The following RCOR1 variants were observed in gnomAD, a reference collection of about 807,000 sequenced individuals.
RCOR1 encodes REST corepressor.
A neutral mutation model predicts 64.0 loss-of-function variants in RCOR1; 12 were observed. The ratio of observed to expected loss-of-function variants is 0.19; its 90% CI spans 0.12 to 0.30. The LOEUF (loss-of-function observed/expected upper bound fraction) is 0.30, where lower values mean the gene tolerates loss of function less well. RCOR1 is among the 10% of genes least tolerant of loss of function. The pLI is 1.00. For synonymous variants in RCOR1, 279 were observed against 227.2 expected, an observed-to-expected ratio of 1.23 and a Z score of -2.05; for missense variants, 502 against 621.2, an observed-to-expected ratio of 0.81 and a Z score of 2.04.
intron 2 of RCOR1, among the ~76,000 whole-genome samples, chr14:102,670,752 TA>T (rs1895016839): frequency 6.7e-6 from 1 of 149,348 alleles, no homozygotes; most frequent in African/African-American, 2.4e-5. Flanking sequence ...TATATATATA[TA>T]TATATTTATT....
At chr14:102,641,995 G>C (rs774784048) in intron 2 of RCOR1, among the ~76,000 whole-genome samples, 2 of 152,140 alleles carry the variant, frequency 1.3e-5, no homozygotes, top group African/African-American at 4.8e-5. Context: ...ATCATTTCTG[G>C]ATTTCATGTG....
At chr14:102,639,505 AT>A (rs1894319371) in intron 2 of RCOR1, among the ~76,000 whole-genome samples, 1 of 84,708 alleles carries the variant, frequency 1.2e-5, no homozygotes, top group Non-Finnish European at 2.6e-5. Context: ...ATTTTTATTT[AT>A]TTATTTATTT....
At chr14:102,725,599 A>G (rs1210382586) in intron 11 of RCOR1, among the ~76,000 whole-genome samples, 1 of 152,064 alleles carries the variant, frequency 6.6e-6, no homozygotes, top group African/African-American at 2.4e-5. Flanking sequence ...TTTGAGACGG[A>G]GTCTTGTTCT....
intron 2 of RCOR1, among the ~76,000 whole-genome samples, chr14:102,677,412 C>T (rs867100679): frequency 1.1e-4 from 15 of 136,198 alleles, no homozygotes; most frequent in South Asian, 2.4e-4. Flanking sequence ...GACGGGGTGG[C>T]TGCCGGACGG....
chr14:102,644,786 C>T (rs532729806), intron 2 of RCOR1, among the ~76,000 whole-genome samples: 231 of 152,312 alleles, frequency 1.5e-3, no homozygotes, highest in African/African-American at 5.4e-3. Flanking sequence ...AGTTTCTCAT[C>T]CATTGCCATT....
chr14:102,661,211 G>A (rs559100689), intron 2 of RCOR1, among the ~76,000 whole-genome samples: 1 of 152,212 alleles, frequency 6.6e-6, no homozygotes, highest in East Asian at 1.9e-4. Context: ...AGCTGGGCGT[G>A]ATGGTGGGTA....
chr14:102,658,730 C>G, intron 2 of RCOR1: 1 of 683,882 alleles, frequency 1.5e-6, no homozygotes, highest in Non-Finnish European at 1.8e-6. Flanking sequence ...CAATAGTTTT[C>G]CCATTAATGT....
At chr14:102,595,874 C>T (rs543673591) in intron 2 of RCOR1, among the ~76,000 whole-genome samples, 38 of 151,712 alleles carry the variant, frequency 2.5e-4, no homozygotes, top group African/African-American at 7.5e-4. Flanking sequence ...CCACCGCGCC[C>T]GGCCCCAAAT....
intron 3 of RCOR1, among the ~76,000 whole-genome samples, chr14:102,692,440 A>AAC (rs10622844): frequency 0.23 from 33,854 of 146,134 alleles, 4,265 homozygotes; most frequent in East Asian, 0.48. Context: ...GGAAAAAGTT[A>AAC]ACACACACAC....
chr14:102,705,847 G>T (rs1895841238), intron 4 of RCOR1, among the ~76,000 whole-genome samples: 1 of 151,886 alleles, frequency 6.6e-6, no homozygotes, highest in Admixed American at 6.5e-5. Flanking sequence ...ATAAAAAGGA[G>T]GCTGGATGTG....
At chr14:102,701,163 G>A (rs1895750081) in intron 3 of RCOR1, 115 bp from the exon 4 acceptor site, 1 of 865,382 alleles carries the variant, frequency 1.2e-6, no homozygotes, top group Non-Finnish European at 1.9e-6. Flanking sequence ...TTTGGGTGGG[G>A]ACACAGCCAA....
At position 102,707,374 on chromosome 14, in the gene RCOR1, T is replaced by G; in HGVS notation, c.522T>G (p.His174Gln). The part of the protein sequence containing the change: ...MEQALGMLFW[H>Q]KHNIEKSLAD... ...AGGCTCTTGGGATGCTCTTCTGGCA[T>G]AAACATAATATCGAAAAGTCATTGG... Residue 174 changes from histidine (H) to glutamine (Q), a missense_variant, in exon 5 of 12, where the codon CAT becomes CAG. His to Gln is a conservative substitution (Grantham distance 24). Transcript: ENST00000262241. 1 of 1,610,624 alleles carries G rather than the reference T, an allele frequency of 6.2e-7. No homozygotes were observed. The highest frequency in any genetic ancestry group is 8.5e-7 in the Non-Finnish European group (1 of 1,178,948).
intron 4 of RCOR1, among the ~76,000 whole-genome samples, chr14:102,701,639 T>C (rs747118315): frequency 7.2e-5 from 11 of 152,244 alleles, no homozygotes; most frequent in Admixed American, 1.3e-4. Flanking sequence ...GTGATTTGTT[T>C]GTCATTCTTC....
In RCOR1 at chr14:102,701,263, C is replaced by T. The variant is rs555584513; in HGVS notation, c.446-15C>T. 1 of 1,609,868 alleles carries T rather than the reference C, an allele frequency of 6.2e-7. No individual in the cohort carries two copies. Among genetic ancestry groups the T allele is most frequent in the African/African-American group, 1.3e-5 (1 of 74,944 alleles). ...TCCCTCAGTTTGTTTAATGGCATCT[C>T]TTCTTGTTTTTCAGTGGATGAATAC... On this transcript the variant is annotated splice_polypyrimidine_tract_variant and intron_variant, in intron 3 of 11. Transcript: ENST00000262241.
intron 5 of RCOR1, 85 bp from the exon 6 acceptor site, chr14:102,708,380 G>A (rs916118432): frequency 3.8e-6 from 3 of 792,870 alleles, no homozygotes; most frequent in Non-Finnish European, 6.5e-6. Flanking sequence ...GATTACAGGC[G>A]TGAGCCGCTG....
At chr14:102,594,642 G>C (rs1893206828) in intron 2 of RCOR1, among the ~76,000 whole-genome samples, 1 of 149,812 alleles carries the variant, frequency 6.7e-6, no homozygotes, top group South Asian at 2.1e-4. Context: ...GTTTTTGATA[G>C]TTTCCTCTTC....
At chr14:102,642,029 G>A (rs1894380872) in intron 2 of RCOR1, among the ~76,000 whole-genome samples, 1 of 152,132 alleles carries the variant, frequency 6.6e-6, no homozygotes, top group South Asian at 2.1e-4. Flanking sequence ...AGTACCTCTC[G>A]TGATTTGATA....
intron 2 of RCOR1, among the ~76,000 whole-genome samples, chr14:102,611,905 C>A (rs1212752197): frequency 6.6e-6 from 1 of 152,154 alleles, no homozygotes; most frequent in Admixed American, 6.6e-5. Flanking sequence ...GATCATAGCT[C>A]CTTGCAGCCT....
At chr14:102,623,147 A>G (rs1260842179) in intron 2 of RCOR1, among the ~76,000 whole-genome samples, 1 of 152,046 alleles carries the variant, frequency 6.6e-6, no homozygotes, top group African/African-American at 2.4e-5. Context: ...TTTCATTCAC[A>G]GTTTCATTTA....
Sources: gnomAD v4.1 joint callset for allele counts (sites outside exome capture counted in the v4.1 genomes callset) on GRCh38, gnomAD v4.1.1 for gene constraint, MANE v1.5 for transcripts, NCBI Gene and HGNC (gene_info 2026-07-23, HGNC 2026-07-21) for gene names.